KCNIP4: variants seen among roughly 807,000 people sequenced by gnomAD.
KCNIP4 encodes potassium voltage-gated channel interacting protein 4.
Under a neutral mutation model 34.0 loss-of-function variants are expected in KCNIP4, and 12 were observed. The ratio of observed to expected loss-of-function variants is 0.35; its 90% CI spans 0.23 to 0.57. KCNIP4 has a LOEUF of 0.57. Among genes scored for constraint, KCNIP4 ranks in the 20% least tolerant of loss-of-function variants. KCNIP4 has a pLI of 0.83. For missense variants in KCNIP4, 238 were observed against 311.7 expected (o/e 0.76, Z 1.78); for synonymous variants, 124 against 102.2 (o/e 1.21, Z -1.29).
At chr4:21,912,818 T>A (rs1728414196) in intron 1 of KCNIP4, among the ~76,000 whole-genome samples, 1 of 149,550 alleles carries the variant, frequency 6.7e-6, no homozygotes, top group Admixed American at 6.7e-5. Context: ...TATAATATAA[T>A]ATATATAACA....
chr4:21,257,999 G>A (rs1405337303), intron 1 of KCNIP4, among the ~76,000 whole-genome samples: 1 of 152,052 alleles, frequency 6.6e-6, no homozygotes, highest in Non-Finnish European at 1.5e-5. Context: ...AACTTTCTTA[G>A]CTGCTTTACT....
At chr4:20,800,459 T>G (rs1211452077) in intron 3 of KCNIP4, among the ~76,000 whole-genome samples, 2 of 152,198 alleles carry the variant, frequency 1.3e-5, no homozygotes, top group Non-Finnish European at 2.9e-5. Flanking sequence ...ACAAATTGCC[T>G]GAAGAGGAAT....
intron 1 of KCNIP4, among the ~76,000 whole-genome samples, chr4:21,486,818 A>G (rs187613138): frequency 1.3e-5 from 2 of 151,152 alleles, no homozygotes; most frequent in East Asian, 2.0e-4. Flanking sequence ...TTTATTACCT[A>G]TTTTGAGATG....
In KCNIP4 at chr4:21,528,744, AAAG is replaced by A. The variant is rs1736286550; in HGVS notation, c.61+419824_61+419826del. Among the ~76,000 whole-genome samples the A allele has an allele frequency of 1.6e-3, 21 of 12,782 alleles. 6 individuals are homozygous for A. Among genetic ancestry groups the A allele is most frequent in the African/African-American group, 7.4e-3 (21 of 2,832 alleles). The allele number at this position is 12,782 out of a possible 152,430, so 8.4% of individuals were successfully genotyped here. On this transcript the variant is annotated intron_variant, in intron 1 of 8. Transcript: ENST00000382152. The stretch of plus-strand genomic sequence containing the variant: ...GAAAGAAAGAAAGAAAGAAAGAAAG[AAAG>A]AAAGAAAGAAAGAAAGAAAGAAAGA...
At chr4:21,285,190 TA>T (rs1331858551) in intron 1 of KCNIP4, among the ~76,000 whole-genome samples, 1 of 152,192 alleles carries the variant, frequency 6.6e-6, no homozygotes, top group Non-Finnish European at 1.5e-5. Context: ...CTGATACAAA[TA>T]TTTTTTAATT....
At chr4:21,031,506 A>G (rs1002661289) in intron 1 of KCNIP4, among the ~76,000 whole-genome samples, 1 of 152,216 alleles carries the variant, frequency 6.6e-6, no homozygotes, top group Non-Finnish European at 1.5e-5. Flanking sequence ...AACAAACAAG[A>G]GACTAAATGC....
At chr4:21,661,890 G>A (rs954670530) in intron 1 of KCNIP4, among the ~76,000 whole-genome samples, 10 of 152,116 alleles carry the variant, frequency 6.6e-5, no homozygotes, top group African/African-American at 2.4e-4. Context: ...GTAACTAAAC[G>A]TCCTTATTTC....
chr4:21,197,653 AAG>A (rs201852868), intron 1 of KCNIP4, among the ~76,000 whole-genome samples: 4,752 of 152,222 alleles, frequency 0.031, 126 homozygotes, highest in South Asian at 0.16. Flanking sequence ...CACAGAAAGA[AAG>A]AGAAAGTTTC....
At chr4:21,237,026 T>C (rs1461231917) in intron 1 of KCNIP4, among the ~76,000 whole-genome samples, 1 of 150,256 alleles carries the variant, frequency 6.7e-6, no homozygotes, top group East Asian at 1.9e-4. Flanking sequence ...AAAAAAGATA[T>C]ACATTCAACG....
chr4:21,407,887 A>G (rs955372842), intron 1 of KCNIP4, among the ~76,000 whole-genome samples: 3 of 152,224 alleles, frequency 2.0e-5, no homozygotes, highest in African/African-American at 4.8e-5. Flanking sequence ...ATAATTATAC[A>G]GATATAGGCT....
At chr4:21,769,789 C>T (rs1297223323) in intron 1 of KCNIP4, among the ~76,000 whole-genome samples, 1 of 152,082 alleles carries the variant, frequency 6.6e-6, no homozygotes, top group Non-Finnish European at 1.5e-5. Context: ...AGCCATCTCT[C>T]CTCCATAGCA....
chr4:20,842,608 A>AAAAAAAAAAAAAG (rs1719889898), intron 3 of KCNIP4, among the ~76,000 whole-genome samples: 1 of 125,740 alleles, frequency 8.0e-6, no homozygotes, highest in African/African-American at 2.8e-5. Context: ...AAAAAAAAAA[A>AAAAAAAAAAAAAG]AAGCCAGCAA....
chr4:21,118,269 A>G (rs1749857487), intron 1 of KCNIP4, among the ~76,000 whole-genome samples: 1 of 152,172 alleles, frequency 6.6e-6, no homozygotes. Flanking sequence ...ACGGTCCAGG[A>G]AGCCAAACTG....
chr4:21,046,578 A>ATTTATTTATTT (rs1742437294), intron 1 of KCNIP4, among the ~76,000 whole-genome samples: 1 of 117,870 alleles, frequency 8.5e-6, no homozygotes, highest in African/African-American at 2.9e-5. Context: ...GTTACTAGCT[A>ATTTATTTATTT]ATTTATTTAT....
At chr4:21,731,950 A>T (rs1052704022) in intron 1 of KCNIP4, among the ~76,000 whole-genome samples, 1 of 151,990 alleles carries the variant, frequency 6.6e-6, no homozygotes, top group Admixed American at 6.6e-5. Context: ...TTACCAGTTG[A>T]CTAGTATTCC....
At chr4:20,976,462 C>A (rs1024004524) in intron 1 of KCNIP4, among the ~76,000 whole-genome samples, 8 of 152,280 alleles carry the variant, frequency 5.3e-5, no homozygotes, top group African/African-American at 1.9e-4. Context: ...AGTATTCCTA[C>A]AATAATCTTC....
chr4:21,434,143 G>C (rs1300325555), intron 1 of KCNIP4, among the ~76,000 whole-genome samples: 1 of 152,128 alleles, frequency 6.6e-6, no homozygotes, highest in African/African-American at 2.4e-5. Context: ...GCTCTTCTAT[G>C]TCACATTGTT....
At chr4:21,189,463 T>C (rs531198305) in intron 1 of KCNIP4, among the ~76,000 whole-genome samples, 6 of 152,326 alleles carry the variant, frequency 3.9e-5, no homozygotes, top group African/African-American at 1.4e-4. Context: ...TTTTGAGAGA[T>C]TCTTACTAGC....
At chr4:21,208,702 G>A (rs1757022381) in intron 1 of KCNIP4, among the ~76,000 whole-genome samples, 1 of 151,856 alleles carries the variant, frequency 6.6e-6, no homozygotes, top group South Asian at 2.1e-4. Flanking sequence ...TCAGTCTTTA[G>A]TAATTAAACT....
Sources: allele counts gnomAD v4.1 joint callset (sites outside exome capture counted in the v4.1 genomes callset), GRCh38; gene constraint gnomAD v4.1.1; transcripts MANE v1.5; gene names NCBI Gene and HGNC (gene_info 2026-07-23, HGNC 2026-07-21).